Variants in KIF24 observed in about 807,000 individuals in gnomAD.
The protein encoded by KIF24 is kinesin-like protein KIF24.
In KIF24, 81 loss-of-function variants were observed where a neutral mutation model predicts 118.9. The observed-to-expected ratio is 0.68, with a 90% CI of 0.57 to 0.82. The LOEUF (loss-of-function observed/expected upper bound fraction) is 0.82. KIF24 is among the 40% of genes least tolerant of loss of function. The pLI is 0.00. For missense variants in KIF24, 1,560 were observed against 1,661.6 expected (o/e 0.94, Z 1.06); for synonymous variants, 599 against 610.0 (o/e 0.98, Z 0.27).
At chr9:34,326,095 G>A (rs1057424381) in intron 1 of KIF24, among the ~76,000 whole-genome samples, 1 of 152,212 alleles carries the variant, frequency 6.6e-6, no homozygotes, top group African/African-American at 2.4e-5. Flanking sequence ...AGTGGCTCAT[G>A]CCTGTTATCC....
chr9:34,326,229 G>A (rs371858273), intron 1 of KIF24, among the ~76,000 whole-genome samples: 2 of 152,144 alleles, frequency 1.3e-5, no homozygotes, highest in East Asian at 3.9e-4. Context: ...GTACATGCCT[G>A]TGGTCCCAGC....
chr9:34,257,407 T>C lies in KIF24; in HGVS notation c.2200A>G (p.Ser734Gly), dbSNP rs147365348. The C allele has an allele frequency of 3.1e-6, 5 of 1,613,952 alleles. No individual in the cohort carries two copies. The African/African-American group carries it at 6.7e-5, about 22-fold the overall frequency. Reference sequence around the variant, plus strand: ...GGCGTGCCCCTCTGGCTGTCTTGACTGTACTCAGCCCTGTGGTGGGCGTTG... The same window carrying C: ...GGCGTGCCCCTCTGGCTGTCTTGACCGTACTCAGCCCTGTGGTGGGCGTTG... ...FGNAHHRAEY[S>G]QDSQRGTPAR... The change falls in exon 11 of 13, where the codon AGT (serine) becomes GGT (glycine). Residue 734 changes from serine to glycine, a missense_variant. By Grantham distance (56) the Ser-to-Gly change is moderately conservative. Around this residue, in one of 3 missense-constraint regions of KIF24, gnomAD observed 964 missense variants for 988.0 expected, o/e 0.98. Coordinates refer to ENST00000402558, the MANE Select transcript of KIF24 (RefSeq NM_194313.4).
At chr9:34,266,880 A>G (rs1388447582) in intron 8 of KIF24, among the ~76,000 whole-genome samples, 2 of 152,140 alleles carry the variant, frequency 1.3e-5, no homozygotes, top group African/African-American at 4.8e-5. Context: ...AACAGCTCCT[A>G]TTGGCTAAAT....
At chr9:34,285,798 A>G (rs1836024663) in intron 6 of KIF24, among the ~76,000 whole-genome samples, 2 of 150,322 alleles carry the variant, frequency 1.3e-5, no homozygotes, top group Admixed American at 6.6e-5. Context: ...AAAAATTAAA[A>G]AAAAATTAGC....
chr9:34,302,155 T>C (rs4879773), intron 3 of KIF24, among the ~76,000 whole-genome samples: 106,592 of 150,898 alleles, frequency 0.71, 39,455 homozygotes, highest in East Asian at 0.95. Context: ...CCACCATGCC[T>C]GACTAATTTT....
At chr9:34,269,822 G>A in intron 7 of KIF24, among the ~76,000 whole-genome samples, 1 of 152,198 alleles carries the variant, frequency 6.6e-6, no homozygotes, top group East Asian at 1.9e-4. Flanking sequence ...GGGTGTGGTG[G>A]CTCACACCTA....
chr9:34,294,652 T>C (rs905169246), intron 4 of KIF24, among the ~76,000 whole-genome samples: 3 of 152,186 alleles, frequency 2.0e-5, no homozygotes, highest in Non-Finnish European at 2.9e-5. Context: ...GATAATTTCA[T>C]AGAAGGGAAT....
chr9:34,294,575 T>A (rs1169430004), intron 4 of KIF24, among the ~76,000 whole-genome samples: 1 of 152,090 alleles, frequency 6.6e-6, no homozygotes, highest in South Asian at 2.1e-4. Context: ...TCATACTTTA[T>A]TCATAAAGTC....
chr9:34,317,313 G>A lies in KIF24; in HGVS notation c.-25-5942C>T, dbSNP rs560441355. Among the ~76,000 whole-genome samples, 19 of 151,650 alleles carry A rather than the reference G, an allele frequency of 1.3e-4. 1 individual carries two copies. Among genetic ancestry groups the A allele is most frequent in the South Asian group, 1.2e-3 (6 of 4,812 alleles). ...GCTGAGGTAGGAGAATCACTTGACC[G>A]TGGGAGGCGGACATTGCAGTGAGCC... On this transcript the variant is annotated intron_variant, in intron 1 of 12. Transcript: ENST00000402558.
At chr9:34,320,747 G>C (rs1254697115) in intron 1 of KIF24, among the ~76,000 whole-genome samples, 1 of 151,758 alleles carries the variant, frequency 6.6e-6, no homozygotes, top group Non-Finnish European at 1.5e-5. Context: ...GAGGGGAGAG[G>C]GGAGGACCTA....
At chr9:34,324,418 T>C (rs1563967359) in intron 1 of KIF24, among the ~76,000 whole-genome samples, 1 of 152,118 alleles carries the variant, frequency 6.6e-6, no homozygotes, top group East Asian at 1.9e-4. Flanking sequence ...AACTAATCAA[T>C]AGATCCAGCC....
At chr9:34,320,187 T>C (rs1254726649) in intron 1 of KIF24, among the ~76,000 whole-genome samples, 1 of 152,142 alleles carries the variant, frequency 6.6e-6, no homozygotes, top group Non-Finnish European at 1.5e-5. Context: ...GGGCAGACTC[T>C]GGTCAAGAAT....
chr9:34,331,415 A>G (rs1047660355), upstream of KIF24, among the ~76,000 whole-genome samples: 3 of 152,228 alleles, frequency 2.0e-5, no homozygotes, highest in Admixed American at 2.0e-4. Flanking sequence ...GAAGTTAAGT[A>G]TCTTGCTCTA....
At chr9:34,300,426 T>C (rs968369413) in intron 3 of KIF24, among the ~76,000 whole-genome samples, 5 of 151,868 alleles carry the variant, frequency 3.3e-5, no homozygotes, top group Non-Finnish European at 7.4e-5. Context: ...TGGAGTGCAG[T>C]GGCGTGATCT....
chr9:34,267,224 C>T (rs143247700), intron 8 of KIF24, among the ~76,000 whole-genome samples: 5 of 151,764 alleles, frequency 3.3e-5, no homozygotes, highest in South Asian at 2.1e-4. Context: ...AGGTTAAAAA[C>T]GGCTGAATGG....
At position 34,253,356 on chromosome 9, in the gene KIF24, T is replaced by G. The variant is rs12003090; in HGVS notation, c.*1024A>C. 30 of 152,272 alleles carry G rather than the reference T, an allele frequency of 2.0e-4. No individual in the cohort carries two copies. The highest frequency in any genetic ancestry group is 7.2e-4 in the African/African-American group (30 of 41,474). 9.4% of individuals were successfully genotyped at this position (152,272 alleles called of 1,614,324 possible). A position where few individuals can be genotyped will look rare whatever the true frequency, so the allele number is the denominator to read the frequency against. ...ATTGGCACCTGGAGGCTACTTTGTCTTCCCTGTCCTGAGCTGCTTCCTGCT... is the reference window on the plus strand; with the variant it reads ...ATTGGCACCTGGAGGCTACTTTGTCGTCCCTGTCCTGAGCTGCTTCCTGCT... On this transcript the variant is annotated 3_prime_UTR_variant, in exon 13 of 13. Coordinates refer to ENST00000402558, the MANE Select transcript of KIF24 (RefSeq NM_194313.4).
chr9:34,302,838 C>T (rs1264927362), intron 3 of KIF24, among the ~76,000 whole-genome samples: 3 of 147,466 alleles, frequency 2.0e-5, no homozygotes, highest in Non-Finnish European at 3.0e-5. Flanking sequence ...TGCAGTGGTG[C>T]GATCTCGGCT....
chr9:34,266,431 C>A (rs1835291039), intron 8 of KIF24, among the ~76,000 whole-genome samples: 2 of 152,080 alleles, frequency 1.3e-5, no homozygotes, highest in Non-Finnish European at 2.9e-5. Flanking sequence ...GTAATCCCAG[C>A]ACTTTGGAAG....
At chr9:34,293,497 G>A (rs1028201265) in intron 4 of KIF24, among the ~76,000 whole-genome samples, 4 of 132,224 alleles carry the variant, frequency 3.0e-5, no homozygotes, top group African/African-American at 8.2e-5. Flanking sequence ...AAAAAAGGCC[G>A]GACGCGGTGG....
Sources: allele counts gnomAD v4.1 joint callset (sites outside exome capture counted in the v4.1 genomes callset), GRCh38; gene constraint gnomAD v4.1.1; regional missense constraint gnomAD v4.1.1; transcripts MANE v1.5; gene names NCBI Gene and HGNC (gene_info 2026-07-23, HGNC 2026-07-21).